MAPK10: variants seen among roughly 807,000 people sequenced by gnomAD.
MAPK10 encodes the protein mitogen-activated protein kinase 10.
A neutral mutation model predicts 59.3 loss-of-function variants in MAPK10; 25 were observed. The ratio of observed to expected loss-of-function variants is 0.42; its 90% CI spans 0.31 to 0.59. The LOEUF is 0.59. Ranked by LOEUF, MAPK10 falls within the 20% of genes least tolerant of loss-of-function variation. The pLI is 0.15. For missense variants in MAPK10, 351 were observed against 568.9 expected (o/e 0.62, Z 3.90); for synonymous variants, 190 against 200.5 (o/e 0.95, Z 0.44).
intron 9 of MAPK10, chr4:86,089,306 C>T: frequency 6.9e-7 from 1 of 1,447,580 alleles, no homozygotes; most frequent in Non-Finnish European, 9.7e-7. Flanking sequence ...TGAAGATAAA[C>T]AAGAACACAG....
chr4:86,584,814 T>C (rs944864897), intron 1 of MAPK10, among the ~76,000 whole-genome samples: 2 of 152,162 alleles, frequency 1.3e-5, no homozygotes, highest in Non-Finnish European at 2.9e-5. Context: ...AAGAAGGTGA[T>C]TTTTGGTTAA....
At chr4:86,426,848 A>G (rs1428488221) in intron 1 of MAPK10, among the ~76,000 whole-genome samples, 1 of 152,176 alleles carries the variant, frequency 6.6e-6, no homozygotes. Flanking sequence ...TAATGAATGT[A>G]AAGTATTTAG....
chr4:86,140,686 T>TA (rs1306322079), intron 4 of MAPK10, among the ~76,000 whole-genome samples: 27 of 145,724 alleles, frequency 1.9e-4, no homozygotes, highest in African/African-American at 2.8e-4. Flanking sequence ...AGTATAATAA[T>TA]AAAAAAAAAA....
chr4:86,085,619 G>A (rs922358696), intron 9 of MAPK10, among the ~76,000 whole-genome samples: 5 of 152,134 alleles, frequency 3.3e-5, no homozygotes, highest in Admixed American at 1.3e-4. Flanking sequence ...AAGATGTGGA[G>A]AAAAGGGAAC....
chr4:86,540,415 G>A (rs1394557631), intron 1 of MAPK10, among the ~76,000 whole-genome samples: 2 of 152,046 alleles, frequency 1.3e-5, no homozygotes, highest in East Asian at 1.9e-4. Flanking sequence ...TGGAAGGATC[G>A]CTTGAGCCCA....
At chr4:86,162,146 A>T (rs1359902528) in intron 3 of MAPK10, among the ~76,000 whole-genome samples, 3 of 151,954 alleles carry the variant, frequency 2.0e-5, no homozygotes, top group Non-Finnish European at 2.9e-5. Context: ...AATGAAGACA[A>T]TTAAATAAGA....
rs1345910510 is a variant in MAPK10, at chr4:86,520,228, T to C, written c.-263+73682A>G. 2.6e-5 allele frequency among the ~76,000 whole-genome samples: 4 copies of C among 152,364 alleles called. No homozygotes were observed. The South Asian group carries it at 6.2e-4, about 24-fold the overall frequency. On this transcript the variant is annotated intron_variant, in intron 1 of 4. Coordinates refer to the MAPK10 transcript ENST00000502302. ...AATAAGCTTTCCAAACTTTTAGATT[T>C]ATCTTCTTCCGTGGAACACCAATTA...
intron 1 of MAPK10, among the ~76,000 whole-genome samples, chr4:86,582,587 C>A (rs1349776473): frequency 4.6e-5 from 7 of 152,144 alleles, no homozygotes; most frequent in African/African-American, 1.7e-4. Flanking sequence ...TAATCTATAA[C>A]TAGAGCAAGA....
In MAPK10 at chr4:86,015,026, A is replaced by C. The variant is rs1018046739; in HGVS notation, c.*2202T>G. On this transcript the variant is annotated 3_prime_UTR_variant, in exon 14 of 14. Coordinates refer to ENST00000641462, the MANE Select transcript of MAPK10 (RefSeq NM_138982.4). ...AAGTTTTTAAAAAAAAAAAAAAAAA[A>C]CAGGAATATGAAAGAGAGGGAGCTC... 4.7e-5 allele frequency: 7 copies of C among 149,908 alleles called. No individual in the cohort carries two copies. Among genetic ancestry groups the C allele is most frequent in the South Asian group, 2.1e-4 (1 of 4,778 alleles). 9.3% of individuals were successfully genotyped at this position (149,908 alleles called of 1,614,324 possible). A position where few individuals can be genotyped will look rare whatever the true frequency, so the allele number is the denominator to read the frequency against.
intron 2 of MAPK10, among the ~76,000 whole-genome samples, chr4:86,269,443 C>T (rs968667257): frequency 1.3e-5 from 2 of 152,146 alleles, no homozygotes; most frequent in African/African-American, 2.4e-5. Flanking sequence ...TCACCACACT[C>T]CTTAAGTTCT....
intron 1 of MAPK10, among the ~76,000 whole-genome samples, chr4:86,497,952 C>A (rs1755012018): frequency 6.6e-6 from 1 of 152,194 alleles, no homozygotes; most frequent in South Asian, 2.1e-4. Flanking sequence ...CTTCTTGGAC[C>A]ATCCCTTACT....
intron 3 of MAPK10, among the ~76,000 whole-genome samples, chr4:86,185,817 A>G (rs2078082018): frequency 6.6e-6 from 1 of 152,140 alleles, no homozygotes; most frequent in Non-Finnish European, 1.5e-5. Flanking sequence ...GAGTGAAGTT[A>G]TCAGTTACTG....
At chr4:86,354,116 G>A (rs1437977838) in intron 2 of MAPK10, among the ~76,000 whole-genome samples, 1 of 152,078 alleles carries the variant, frequency 6.6e-6, no homozygotes, top group Non-Finnish European at 1.5e-5. Flanking sequence ...GTGTGTGTGT[G>A]TGTGTGTTCC....
chr4:86,286,476 C>G (rs909716951), intron 2 of MAPK10, among the ~76,000 whole-genome samples: 1 of 152,164 alleles, frequency 6.6e-6, no homozygotes, highest in African/African-American at 2.4e-5. Flanking sequence ...AGGCACTGTT[C>G]TAAGCACTTT....
At chr4:86,078,602 TATAC>T (rs2049993562) in intron 9 of MAPK10, among the ~76,000 whole-genome samples, 1 of 149,244 alleles carries the variant, frequency 6.7e-6, no homozygotes. Flanking sequence ...TATATATATA[TATAC>T]ACACACACAC....
chr4:86,467,994 G>A (rs185842532), intron 1 of MAPK10, among the ~76,000 whole-genome samples: 123 of 152,246 alleles, frequency 8.1e-4, no homozygotes, highest in African/African-American at 2.9e-3. Context: ...CCTCATAAAT[G>A]ATTAGCTGAA....
intron 1 of MAPK10, among the ~76,000 whole-genome samples, chr4:86,451,332 T>C (rs1237398393): frequency 3.3e-5 from 5 of 152,168 alleles, no homozygotes; most frequent in Non-Finnish European, 1.5e-5. Flanking sequence ...AATTATTAAA[T>C]AGAGTAAAAT....
At chr4:86,348,679 A>G (rs1478373785) in intron 2 of MAPK10, among the ~76,000 whole-genome samples, 1 of 152,198 alleles carries the variant, frequency 6.6e-6, no homozygotes, top group Non-Finnish European at 1.5e-5. Flanking sequence ...AATAAAAAAA[A>G]AATTTATGTG....
intron 1 of MAPK10, among the ~76,000 whole-genome samples, chr4:86,481,015 T>C (rs1447772054): frequency 6.6e-6 from 1 of 152,184 alleles, no homozygotes; most frequent in Non-Finnish European, 1.5e-5. Flanking sequence ...CTGTGTAGGA[T>C]TCCTTCAACC....
Sources: gnomAD v4.1 joint callset for allele counts (sites outside exome capture counted in the v4.1 genomes callset) on GRCh38, gnomAD v4.1.1 for gene constraint, MANE v1.5 for transcripts, NCBI Gene and HGNC (gene_info 2026-07-23, HGNC 2026-07-21) for gene names.